FNIP2: variants seen among roughly 807,000 people sequenced by gnomAD.
FNIP2 encodes the protein folliculin interacting protein 2, also known as folliculin-interacting protein 2.
In FNIP2, 32 loss-of-function variants were observed where a neutral mutation model predicts 108.7. The ratio of observed to expected loss-of-function variants is 0.29; its 90% confidence interval spans 0.22 to 0.40. The LOEUF is 0.40. Ranked by LOEUF, FNIP2 falls within the 10% of genes least tolerant of loss-of-function variation. FNIP2 has a pLI of 1.00. For missense variants in FNIP2, 1,202 were observed against 1,381.6 expected (o/e 0.87, Z 2.06); for synonymous variants, 480 against 496.7 (o/e 0.97, Z 0.45).
intron 1 of FNIP2, among the ~76,000 whole-genome samples, chr4:158,775,196 A>G (rs926063493): frequency 6.6e-6 from 1 of 152,064 alleles, no homozygotes; most frequent in Non-Finnish European, 1.5e-5. Context: ...AATGTGCTTT[A>G]TTTCTCCAGC....
intron 14 of FNIP2, chr4:158,871,472 G>C (rs1219685376): frequency 1.0e-6 from 1 of 985,122 alleles, no homozygotes; most frequent in Non-Finnish European, 1.2e-6. Flanking sequence ...TCTCCTCTGT[G>C]AAGACCAAAC....
chr4:158,895,224 A>C (rs1782566637), intron 15 of FNIP2, among the ~76,000 whole-genome samples: 1 of 152,164 alleles, frequency 6.6e-6, no homozygotes, highest in Non-Finnish European at 1.5e-5. Context: ...GTTGTGGGGG[A>C]GGTTCAAAAT....
chr4:158,861,084 C>T (rs1780263183), intron 10 of FNIP2, among the ~76,000 whole-genome samples: 1 of 152,200 alleles, frequency 6.6e-6, no homozygotes, highest in East Asian at 1.9e-4. Context: ...AGCCGTTGTC[C>T]CACAGAAGCA....
chr4:158,785,087 C>CTTTCT lies in FNIP2; in HGVS notation c.107+15771_107+15772insCTTTT, dbSNP rs773299817. On this transcript the variant is annotated intron_variant, in intron 1 of 16. Transcript: ENST00000264433. ...TTATTAGCCAGTATATAAAGTTCCT[C>CTTTCT]TTTTTTTTTTTTTTTTTGAGCCAGA... Among the ~76,000 whole-genome samples, 41 of 123,178 alleles carry CTTTCT rather than the reference C, an allele frequency of 3.3e-4. 3 individuals carry two copies. The highest frequency in any genetic ancestry group is 1.4e-3 in the African/African-American group (41 of 30,026). 80.8% of individuals were successfully genotyped at this position (123,178 alleles called of 152,430 possible). A position where few individuals can be genotyped will look rare whatever the true frequency, so the allele number is the denominator to read the frequency against.
rs1330440565 is a variant in FNIP2 at position 158,872,045 on chromosome 4, A to G, written c.2949+1576A>G. 7.1e-6 allele frequency: 7 copies of G among 984,944 alleles called. No homozygotes were observed. In the East Asian group the frequency reaches 4.5e-4, roughly 64 times the overall value. The allele number at this position is 984,944 out of a possible 1,614,324, so 61.0% of individuals were successfully genotyped here. On this transcript the variant is annotated intron_variant, in intron 14 of 16. Coordinates refer to ENST00000264433, the MANE Select transcript of FNIP2 (RefSeq NM_020840.3). ...TCTGCTATCATTTTGATTTCTAACA[A>G]TATTGGTGTTGGTTATTGGACCTTC...
At chr4:158,815,006 C>T (rs1293481320) in intron 1 of FNIP2, among the ~76,000 whole-genome samples, 1 of 152,232 alleles carries the variant, frequency 6.6e-6, no homozygotes, top group South Asian at 2.1e-4. Flanking sequence ...AGAGACAATA[C>T]AGTCACACGG....
intron 14 of FNIP2, chr4:158,872,475 A>G: frequency 1.0e-6 from 1 of 985,426 alleles, no homozygotes; most frequent in Non-Finnish European, 1.2e-6. Flanking sequence ...TCTTTATGCA[A>G]TCACCCTGAG....
chr4:158,860,086 G>A (rs1560807940), intron 10 of FNIP2, among the ~76,000 whole-genome samples: 1 of 152,186 alleles, frequency 6.6e-6, no homozygotes, highest in Admixed American at 6.5e-5. Context: ...CAGTTTGCCA[G>A]GACAGTCCTA....
At chr4:158,775,423 A>C (rs1452323409) in intron 1 of FNIP2, among the ~76,000 whole-genome samples, 2 of 152,170 alleles carry the variant, frequency 1.3e-5, no homozygotes, top group Non-Finnish European at 2.9e-5. Context: ...ATTATTATGT[A>C]AAAAAAGGAA....
At chr4:158,788,202 G>A (rs980860067) in intron 1 of FNIP2, among the ~76,000 whole-genome samples, 1 of 152,190 alleles carries the variant, frequency 6.6e-6, no homozygotes, top group African/African-American at 2.4e-5. Context: ...CGTGCTGGGC[G>A]CGTAGTAAGT....
At chr4:158,830,629 A>T (rs1230787597) in intron 3 of FNIP2, among the ~76,000 whole-genome samples, 1 of 152,170 alleles carries the variant, frequency 6.6e-6, no homozygotes, top group African/African-American at 2.4e-5. Context: ...GCGTCAGCGT[A>T]TGTATGCTTG....
At chr4:158,884,065 T>C (rs561586823) in intron 14 of FNIP2, among the ~76,000 whole-genome samples, 2 of 150,952 alleles carry the variant, frequency 1.3e-5, no homozygotes. Flanking sequence ...GGGAAGCATA[T>C]ATGCAAGAAC....
At chr4:158,810,778 A>G (rs1296154743) in intron 1 of FNIP2, among the ~76,000 whole-genome samples, 2 of 152,242 alleles carry the variant, frequency 1.3e-5, no homozygotes, top group African/African-American at 4.8e-5. Context: ...ACAGTGTTCC[A>G]GGCAGAAGAT....
chr4:158,820,871 A>G (rs530539112), intron 1 of FNIP2, among the ~76,000 whole-genome samples: 29 of 152,226 alleles, frequency 1.9e-4, no homozygotes, highest in African/African-American at 6.0e-4. Flanking sequence ...TAACTTGATT[A>G]TATCTGCAGA....
At chr4:158,864,413 C>G (rs975417363) in intron 12 of FNIP2, among the ~76,000 whole-genome samples, 1 of 152,078 alleles carries the variant, frequency 6.6e-6, no homozygotes, top group African/African-American at 2.4e-5. Flanking sequence ...AATAAAGATG[C>G]AATAAGTTAA....
chr4:158,769,853 G>A (rs1385431304), intron 1 of FNIP2, among the ~76,000 whole-genome samples: 1 of 152,214 alleles, frequency 6.6e-6, no homozygotes, highest in Admixed American at 6.5e-5. Flanking sequence ...CATGTGGAAG[G>A]TTGATGCCGC....
chr4:158,821,382 A>G (rs181697990), intron 1 of FNIP2, among the ~76,000 whole-genome samples: 2 of 152,354 alleles, frequency 1.3e-5, no homozygotes, highest in Admixed American at 1.3e-4. Context: ...CAAAAGCCCC[A>G]AGGCTTGTTT....
intron 1 of FNIP2, among the ~76,000 whole-genome samples, chr4:158,792,250 A>G (rs1776444659): frequency 6.6e-6 from 1 of 152,208 alleles, no homozygotes. Context: ...ACATATGCAG[A>G]GTGGCAAAAT....
intron 1 of FNIP2, among the ~76,000 whole-genome samples, chr4:158,784,830 G>A (rs1256237044): frequency 6.6e-6 from 1 of 152,170 alleles, no homozygotes; most frequent in Admixed American, 6.5e-5. Context: ...TGACCCAGGG[G>A]TTGGGGATCC....
Sources: allele counts gnomAD v4.1 joint callset (sites outside exome capture counted in the v4.1 genomes callset), GRCh38; gene constraint gnomAD v4.1.1; transcripts MANE v1.5; gene names NCBI Gene and HGNC (gene_info 2026-07-23, HGNC 2026-07-21).